KLHL41: variants seen among roughly 807,000 people sequenced by gnomAD.
KLHL41 encodes kelch-like protein 41.
In KLHL41, 31 loss-of-function variants were observed where a neutral mutation model predicts 49.2. The ratio of observed to expected loss-of-function variants is 0.63; its 90% CI spans 0.47 to 0.85. The LOEUF (loss-of-function observed/expected upper bound fraction) is 0.85. Ranked by LOEUF, KLHL41 falls within the 40% of genes least tolerant of loss-of-function variation. The pLI is 0.00. For synonymous variants in KLHL41, 218 were observed against 258.5 expected (o/e 0.84, Z 1.50); for missense variants, 663 against 726.7 (o/e 0.91, Z 1.01).
At chr2:169,520,484 C>T (rs190515127) in intron 4 of KLHL41, among the ~76,000 whole-genome samples, 46 of 150,958 alleles carry the variant, frequency 3.0e-4, no homozygotes, top group South Asian at 8.4e-4. Context: ...TGGAGTCTCG[C>T]TCTGTTGCCC....
At position 169,517,859 on chromosome 2, in the gene KLHL41, G is replaced by C. The variant is rs563065204; in HGVS notation, c.1377-331G>C. Among the ~76,000 whole-genome samples, 34 of 152,230 alleles carry C rather than the reference G, an allele frequency of 2.2e-4. No homozygotes were observed. In the South Asian group the frequency reaches 3.7e-3, roughly 17 times the overall value. ...TAAACTTACCATTTGTTATTGAGGT[G>C]CAATAAAAGGTTTATGATTTTATTT... On this transcript the variant is annotated intron_variant, in intron 3 of 5. Transcript: ENST00000284669.
chr2:169,523,021 C>A (rs116209043), intron 5 of KLHL41, among the ~76,000 whole-genome samples: 12,426 of 151,922 alleles, frequency 0.082, 647 homozygotes, highest in Middle Eastern at 0.19. Flanking sequence ...CCGAGCCCAG[C>A]CCCAGATGAT....
At chr2:169,523,300 C>T (rs1574354918) in intron 5 of KLHL41, among the ~76,000 whole-genome samples, 2 of 152,136 alleles carry the variant, frequency 1.3e-5, no homozygotes, top group Non-Finnish European at 2.9e-5. Context: ...CCTGCACGTT[C>T]GAATCACCAG....
At chr2:169,516,441 T>A (rs1276049163) in intron 3 of KLHL41, among the ~76,000 whole-genome samples, 1 of 152,190 alleles carries the variant, frequency 6.6e-6, no homozygotes, top group African/African-American at 2.4e-5. Flanking sequence ...AAGGAAGGTA[T>A]ATTATATGCT....
Position 169,509,953 on chromosome 2 carries a change from CGTGA to C in KLHL41, c.178_181del (p.Glu60ThrfsTer14), listed in dbSNP as rs771086972. 7.4e-6 allele frequency: 12 copies of C among 1,613,936 alleles called. No homozygotes were observed. The highest frequency in any genetic ancestry group is 5.9e-6 in the Non-Finnish European group (7 of 1,179,998). ...TTTGTCAGCTTGTAGTCCTTACTTC[CGTGA>C]GTACTTTTTATCTGAAATTGATGAG... is the stretch of plus-strand genomic sequence containing the variant. On this transcript the variant is annotated frameshift_variant, in exon 1 of 6. Transcript: ENST00000284669. LOFTEE classifies it high-confidence loss of function.
chr2:169,514,489 AC>A, intron 1 of KLHL41, 84 bp from the exon 2 acceptor site: 1 of 1,130,958 alleles, frequency 8.8e-7, no homozygotes, highest in South Asian at 1.5e-5. Flanking sequence ...TGACTTCTAA[AC>A]AACATATAAA....
rs28763869 is a variant in KLHL41, at chr2:169,511,250, A to G, written c.1110+362A>G. On this transcript the variant is annotated intron_variant, in intron 1 of 5. Transcript: ENST00000284669. ...TTCTTAGCAGAGATGGGCTCTCACTATGTTGCCCCGGCTGGTCTCGAACTC... is the reference window on the plus strand; with the variant it reads ...TTCTTAGCAGAGATGGGCTCTCACTGTGTTGCCCCGGCTGGTCTCGAACTC... 2.0e-3 allele frequency among the ~76,000 whole-genome samples: 303 copies of G among 152,210 alleles called. 2 individuals are homozygous for G. Among genetic ancestry groups the G allele is most frequent in the African/African-American group, 6.8e-3 (284 of 41,530 alleles).
chr2:169,514,133 T>G (rs1333493305), intron 1 of KLHL41: 1 of 153,278 alleles, frequency 6.5e-6, no homozygotes, highest in Non-Finnish European at 1.5e-5. Context: ...CTGTCCCAGC[T>G]GCCGGCATGG....
In KLHL41 at chr2:169,510,230, C is replaced by T; in HGVS notation, c.452C>T (p.Ala151Val). ...LGLLLDCPRLAISAREFVSDR... is the reference protein window; with the variant it reads ...LGLLLDCPRLVISAREFVSDR... Reference sequence around the variant, plus strand: ...CTTCTTCTTGACTGCCCGAGACTCGCCATTTCTGCCCGTGAATTTGTGTCT... The same window carrying T: ...CTTCTTCTTGACTGCCCGAGACTCGTCATTTCTGCCCGTGAATTTGTGTCT... The change falls in exon 1 of 6, where the codon GCC (alanine) becomes GTC (valine). Residue 151 changes from alanine (A) to valine (V), a missense_variant. Ala to Val is a moderately conservative substitution (Grantham distance 64). Around this residue, in one of 3 missense-constraint regions of KLHL41, gnomAD observed 528 missense variants for 581.0 expected, o/e 0.91. Transcript: ENST00000284669. This position sits in a 1 kb window ranked among gnomAD's most constrained non-coding sequence, Gnocchi z 4.2. 1 of 1,613,988 alleles carries T rather than the reference C, an allele frequency of 6.2e-7. No individual in the cohort carries two copies. Among genetic ancestry groups the T allele is most frequent in the Non-Finnish European group, 8.5e-7 (1 of 1,180,038 alleles).
chr2:169,513,532 T>G (rs1684062983), intron 1 of KLHL41, among the ~76,000 whole-genome samples: 1 of 152,194 alleles, frequency 6.6e-6, no homozygotes, highest in South Asian at 2.1e-4. Context: ...GAGATTAAAC[T>G]TCTCATGTCA....
At chr2:169,511,007 C>G (rs1684022742) in intron 1 of KLHL41, 119 bp downstream of exon 1, 1 of 819,786 alleles carries the variant, frequency 1.2e-6, no homozygotes, top group East Asian at 2.5e-5. Flanking sequence ...ATGTCCTATT[C>G]CAGTCCCTTG....
chr2:169,522,673 G>A (rs540391487), intron 5 of KLHL41, among the ~76,000 whole-genome samples: 1 of 144,322 alleles, frequency 6.9e-6, no homozygotes, highest in East Asian at 2.1e-4. Flanking sequence ...AGGTAGAGTT[G>A]AGCATCCCTA....
intron 5 of KLHL41, among the ~76,000 whole-genome samples, chr2:169,524,418 CTTTTTTTT>C (rs113248017): frequency 8.6e-5 from 10 of 116,030 alleles, no homozygotes; most frequent in African/African-American, 2.8e-4. Context: ...TGGGGTAAAT[CTTTTTTTT>C]TTTTTTTTTT....
In KLHL41 at chr2:169,522,084, A is replaced by G. The variant is rs943585827; in HGVS notation, c.1709+1077A>G. Among the ~76,000 whole-genome samples, 8 of 152,224 alleles carry G rather than the reference A, an allele frequency of 5.3e-5. No homozygotes were observed. The South Asian group carries it at 6.2e-4, about 12-fold the overall frequency. ...ATTTTTTAACAAGATTCTTAGGTGAATTGTTTGCACATTTAAGTTTATAAG... is the reference window on the plus strand; with the variant it reads ...ATTTTTTAACAAGATTCTTAGGTGAGTTGTTTGCACATTTAAGTTTATAAG... On this transcript the variant is annotated intron_variant, in intron 5 of 5. Transcript: ENST00000284669.
intron 3 of KLHL41, among the ~76,000 whole-genome samples, chr2:169,515,755 G>C (rs1397379884): frequency 6.6e-6 from 1 of 152,102 alleles, no homozygotes; most frequent in Non-Finnish European, 1.5e-5. Context: ...ATTGAAAAGA[G>C]GGAAGTAAAA....
intron 4 of KLHL41, among the ~76,000 whole-genome samples, chr2:169,518,718 C>T (rs1310251388): frequency 2.0e-5 from 3 of 152,330 alleles, no homozygotes; most frequent in Non-Finnish European, 4.4e-5. Flanking sequence ...CTGGCTCTGT[C>T]ACCCAGGCTG....
Position 169,510,006 on chromosome 2 carries a change from A to G in KLHL41, c.228A>G (p.Leu76=). ...IDEAKKKEVV[L]DNVDPAILDL... ...AGGCGAAAAAAAAGGAGGTAGTGCTAGACAATGTGGATCCTGCTATACTTG... is the reference window on the plus strand; with the variant it reads ...AGGCGAAAAAAAAGGAGGTAGTGCTGGACAATGTGGATCCTGCTATACTTG... Residue 76 remains leucine (L), a synonymous_variant, in exon 1 of 6, where the codon CTA becomes CTG. Transcript: ENST00000284669. This position sits in a 1 kb window ranked among gnomAD's most constrained non-coding sequence, Gnocchi z 4.2. 2.5e-6 allele frequency: 4 copies of G among 1,614,220 alleles called. No individual in the cohort carries two copies. Among genetic ancestry groups the G allele is most frequent in the Non-Finnish European group, 3.4e-6 (4 of 1,180,030 alleles).
intron 5 of KLHL41, among the ~76,000 whole-genome samples, chr2:169,522,679 C>A (rs953615894): frequency 6.8e-6 from 1 of 147,590 alleles, no homozygotes; most frequent in African/African-American, 2.5e-5. Flanking sequence ...AGTTGAGCAT[C>A]CCTAGTTCCT....
At chr2:169,519,412 T>C (rs1436368647) in intron 4 of KLHL41, among the ~76,000 whole-genome samples, 1 of 152,172 alleles carries the variant, frequency 6.6e-6, no homozygotes, top group Non-Finnish European at 1.5e-5. Context: ...TCATTAAAAA[T>C]AATGTTTTCG....
Sources: allele counts gnomAD v4.1 joint callset (sites outside exome capture counted in the v4.1 genomes callset), GRCh38; gene constraint gnomAD v4.1.1; regional missense constraint gnomAD v4.1.1; non-coding constraint Gnocchi (gnomAD v3.1); transcripts MANE v1.5; gene names NCBI Gene and HGNC (gene_info 2026-07-23, HGNC 2026-07-21).